MAGI2: variants seen among roughly 807,000 people sequenced by gnomAD.
MAGI2 encodes the protein membrane-associated guanylate kinase, WW and PDZ domain-containing protein 2.
MAGI2 carries 35 observed loss-of-function variants against 133.3 expected under a neutral mutation model. That is an observed-to-expected ratio of 0.26 (90% CI 0.20 to 0.35). MAGI2 has a LOEUF of 0.35. Ranked by LOEUF, MAGI2 falls within the 10% of genes least tolerant of loss-of-function variation. MAGI2 has a pLI of 1.00. For synonymous variants in MAGI2, 729 were observed against 710.6 expected, an observed-to-expected ratio of 1.03 and a Z score of -0.41; for missense variants, 1,636 against 1,863.4, an observed-to-expected ratio of 0.88 and a Z score of 2.25.
chr7:78,564,783 C>CCTTTTTT (rs1800760975), intron 3 of MAGI2, among the ~76,000 whole-genome samples: 1 of 64,318 alleles, frequency 1.6e-5, no homozygotes, highest in Non-Finnish European at 2.8e-5. Context: ...CTTTGACATT[C>CCTTTTTT]TTTTTTTTTT....
intron 1 of MAGI2, among the ~76,000 whole-genome samples, chr7:79,253,052 A>T (rs1320947287): frequency 6.6e-6 from 1 of 152,214 alleles, no homozygotes; most frequent in Non-Finnish European, 1.5e-5. Context: ...GTTCTTTATG[A>T]TAGAATATAG....
At chr7:79,112,644 T>G (rs1165530587) in intron 1 of MAGI2, among the ~76,000 whole-genome samples, 1 of 152,210 alleles carries the variant, frequency 6.6e-6, no homozygotes, top group African/African-American at 2.4e-5. Context: ...CATATTAAAT[T>G]TGTGCTCAAT....
chr7:78,149,301 G>A (rs1181551768), intron 16 of MAGI2, among the ~76,000 whole-genome samples: 3 of 152,152 alleles, frequency 2.0e-5, no homozygotes, highest in East Asian at 3.9e-4. Flanking sequence ...AATGCCTAAT[G>A]TATCCGTCTT....
chr7:78,358,217 A>G (rs1278287162), intron 7 of MAGI2: 49 of 121,290 alleles, frequency 4.0e-4, no homozygotes, highest in African/African-American at 1.3e-3. Flanking sequence ...ATATATATAT[A>G]TATATATATA....
At chr7:79,425,392 T>A (rs1847272439) in intron 1 of MAGI2, among the ~76,000 whole-genome samples, 1 of 152,004 alleles carries the variant, frequency 6.6e-6, no homozygotes, top group Admixed American at 6.6e-5. Flanking sequence ...GTATTCTGAC[T>A]TCTACGTAAC....
intron 1 of MAGI2, among the ~76,000 whole-genome samples, chr7:79,170,417 C>A (rs1019448620): frequency 6.6e-6 from 1 of 151,880 alleles, no homozygotes; most frequent in Non-Finnish European, 1.5e-5. Flanking sequence ...CTCAAGTGAT[C>A]CTCCTGCCTC....
At position 78,075,854 on chromosome 7, in the gene MAGI2, T is replaced by A. The variant is rs1815233527; in HGVS notation, c.3706+3093A>T. ...ATTATCCTCAAAGATGCTATGATCC[T>A]TAATCTTGGTTTCTTATGCATAACC... On this transcript the variant is annotated intron_variant, in intron 21 of 21. Coordinates refer to ENST00000354212, the MANE Select transcript of MAGI2 (RefSeq NM_012301.4). Among the ~76,000 whole-genome samples, 3 of 152,214 alleles carry A rather than the reference T, an allele frequency of 2.0e-5. No homozygotes were observed. In the South Asian group the frequency reaches 6.2e-4, roughly 32 times the overall value.
chr7:79,371,020 TAAA>T (rs201624499), intron 1 of MAGI2, among the ~76,000 whole-genome samples: 2 of 151,620 alleles, frequency 1.3e-5, no homozygotes, highest in East Asian at 3.9e-4. Context: ...GAGTAAGAAA[TAAA>T]AAAAAGGAAC....
At chr7:78,524,182 G>A (rs923762111) in intron 3 of MAGI2, among the ~76,000 whole-genome samples, 8 of 152,150 alleles carry the variant, frequency 5.3e-5, no homozygotes, top group African/African-American at 7.2e-5. Context: ...GGGAGGGGGA[G>A]CCCTACCGTC....
chr7:78,652,716 T>C (rs1023788419), intron 2 of MAGI2, among the ~76,000 whole-genome samples: 4 of 152,056 alleles, frequency 2.6e-5, no homozygotes, highest in African/African-American at 9.7e-5. Flanking sequence ...ATTCAGGACA[T>C]AGGCATGGGC....
chr7:78,465,471 T>C (rs1225332381), intron 6 of MAGI2, among the ~76,000 whole-genome samples: 1 of 152,216 alleles, frequency 6.6e-6, no homozygotes, highest in Non-Finnish European at 1.5e-5. Context: ...CCTTAGGCTA[T>C]TCTCTGGAGA....
At chr7:78,269,039 C>G (rs184904482) in intron 9 of MAGI2, among the ~76,000 whole-genome samples, 2 of 151,992 alleles carry the variant, frequency 1.3e-5, no homozygotes, top group Admixed American at 1.3e-4. Context: ...TGTGGTGTTT[C>G]GTTTTCTGTT....
chr7:78,846,968 C>A (rs1207730518), intron 2 of MAGI2, among the ~76,000 whole-genome samples: 2 of 151,880 alleles, frequency 1.3e-5, no homozygotes, highest in Non-Finnish European at 2.9e-5. Context: ...TAGGTCCCAA[C>A]CCCAACTTTC....
At chr7:79,100,600 A>G (rs1286301114) in intron 1 of MAGI2, among the ~76,000 whole-genome samples, 1 of 151,590 alleles carries the variant, frequency 6.6e-6, no homozygotes, top group East Asian at 1.9e-4. Flanking sequence ...TTATGTATCA[A>G]TAATATGCTA....
intron 2 of MAGI2, among the ~76,000 whole-genome samples, chr7:78,831,172 CAT>C (rs948497076): frequency 1.3e-5 from 2 of 152,104 alleles, no homozygotes; most frequent in Non-Finnish European, 2.9e-5. Context: ...TCAGCCACAC[CAT>C]AGTTTCATTA....
intron 1 of MAGI2, among the ~76,000 whole-genome samples, chr7:79,437,537 T>C (rs1848231921): frequency 6.6e-6 from 1 of 152,092 alleles, no homozygotes; most frequent in African/African-American, 2.4e-5. Context: ...ATTTTATATG[T>C]CAAAGGAAAG....
At chr7:78,767,376 G>C (rs1218986497) in intron 2 of MAGI2, among the ~76,000 whole-genome samples, 2 of 150,530 alleles carry the variant, frequency 1.3e-5, no homozygotes, top group Non-Finnish European at 3.0e-5. Context: ...TTAAAATTCT[G>C]TTATCTTCAG....
At chr7:78,505,461 G>C (rs956488465) in intron 4 of MAGI2, among the ~76,000 whole-genome samples, 4 of 152,102 alleles carry the variant, frequency 2.6e-5, no homozygotes, top group African/African-American at 9.7e-5. Context: ...AGGTACCACT[G>C]CTAACTTCAG....
At position 78,222,858 on chromosome 7, in the gene MAGI2, C is replaced by A. The variant is rs1438154113; in HGVS notation, c.2048-21665G>T. Among the ~76,000 whole-genome samples, 4 of 152,100 alleles carry A rather than the reference C, an allele frequency of 2.6e-5. No homozygotes were observed. In the East Asian group the frequency reaches 7.7e-4, roughly 29 times the overall value. On this transcript the variant is annotated intron_variant, in intron 10 of 21. Transcript: ENST00000354212. ...ACCCAGAACATGGATATTTCTCAAG[C>A]CAAAAGGAAAACCAAATAATTAACA...
Sources: gnomAD v4.1 joint callset for allele counts (sites outside exome capture counted in the v4.1 genomes callset) on GRCh38, gnomAD v4.1.1 for gene constraint, MANE v1.5 for transcripts, NCBI Gene and HGNC (gene_info 2026-07-23, HGNC 2026-07-21) for gene names.